EMP1: variants seen among roughly 807,000 people sequenced by gnomAD.
EMP1 encodes epithelial membrane protein 1, also known as tumor-associated membrane protein.
A neutral mutation model predicts 15.7 loss-of-function variants in EMP1; 5 were observed. The observed-to-expected ratio is 0.32, with a 90% CI of 0.17 to 0.67. EMP1 has a LOEUF of 0.67. EMP1 is among the 30% of genes least tolerant of loss of function. The pLI is 0.74. For synonymous variants in EMP1, 78 were observed against 76.7 expected, an observed-to-expected ratio of 1.02 and a Z score of -0.09; for missense variants, 166 against 194.2, an observed-to-expected ratio of 0.85 and a Z score of 0.86.
In EMP1 at chr12:13,215,809, T is replaced by C. The variant is rs1864209923; in HGVS notation, c.*1118T>C. The C allele has an allele frequency of 6.5e-6, 1 of 153,702 alleles. No individual in the cohort carries two copies. Among genetic ancestry groups the C allele is most frequent in the Non-Finnish European group, 1.5e-5 (1 of 68,866 alleles). 9.5% of individuals were successfully genotyped at this position (153,702 alleles called of 1,614,324 possible). A position where few individuals can be genotyped will look rare whatever the true frequency, so the allele number is the denominator to read the frequency against. ...GAGGCATGGCAATTCTGGAAGCTGA[T>C]TAAAACACACATAAACCAAAACCAA... On this transcript the variant is annotated 3_prime_UTR_variant, in exon 5 of 5. Coordinates refer to ENST00000256951, the MANE Select transcript of EMP1 (RefSeq NM_001423.3).
In EMP1 at chr12:13,215,480, G is replaced by A. The variant is rs957739165; in HGVS notation, c.*789G>A. On this transcript the variant is annotated 3_prime_UTR_variant, in exon 5 of 5. Coordinates refer to ENST00000256951, the MANE Select transcript of EMP1 (RefSeq NM_001423.3). ...CTCTAAAGTCACTAGTGAACAATTC[G>A]GTGGTAAAAGTACCACACAAACTAT... is the stretch of plus-strand genomic sequence containing the variant. 8.5e-5 allele frequency: 13 copies of A among 152,130 alleles called. No homozygotes were observed. The highest frequency in any genetic ancestry group is 2.2e-4 in the African/African-American group (9 of 41,398). 9.4% of individuals were successfully genotyped at this position (152,130 alleles called of 1,614,324 possible).
chr12:13,212,466 G>A (rs763007413), intron 2 of EMP1, among the ~76,000 whole-genome samples: 32 of 152,118 alleles, frequency 2.1e-4, no homozygotes, highest in Non-Finnish European at 3.8e-4. Flanking sequence ...AACATTAGTG[G>A]GTGTGATCAT....
chr12:13,208,786 C>T (rs1233003130), intron 1 of EMP1, among the ~76,000 whole-genome samples: 2 of 152,160 alleles, frequency 1.3e-5, no homozygotes. Flanking sequence ...CGCTCTTTTG[C>T]TTGATTCTCA....
At position 13,216,327 on chromosome 12, in the gene EMP1, A is replaced by C; in HGVS notation, c.*1636A>C. On this transcript the variant is annotated 3_prime_UTR_variant, in exon 5 of 5. Coordinates refer to ENST00000256951, the MANE Select transcript of EMP1 (RefSeq NM_001423.3). ...CCATGATTTTTGGTATTTATGTAAA[A>C]GGATTATTACTAATTCTATTTCTCT... 1 of 695,862 alleles carries C rather than the reference A, an allele frequency of 1.4e-6. No homozygotes were observed. Among genetic ancestry groups the C allele is most frequent in the East Asian group, 2.7e-5 (1 of 37,096 alleles). The allele number at this position is 695,862 out of a possible 1,614,324, so 43.1% of individuals were successfully genotyped here.
At chr12:13,200,270 G>A (rs192140449) in intron 1 of EMP1, among the ~76,000 whole-genome samples, 1 of 152,184 alleles carries the variant, frequency 6.6e-6, no homozygotes, top group Non-Finnish European at 1.5e-5. Context: ...TAGGCCTTTT[G>A]GGGATTGTCC....
In EMP1 at chr12:13,214,707, TGG is replaced by T. The variant is rs1483849091; in HGVS notation, c.*19_*20del. ...AAAGAAATAAGGCCGGACGAGTTCA[TGG>T]GGATCTGGGGGGTGGGGAGGAGGAA... On this transcript the variant is annotated 3_prime_UTR_variant, in exon 5 of 5. Transcript: ENST00000256951. The T allele has an allele frequency of 6.4e-7, 1 of 1,550,404 alleles. No individual in the cohort carries two copies. Among genetic ancestry groups the T allele is most frequent in the Non-Finnish European group, 8.7e-7 (1 of 1,145,462 alleles).
chr12:13,211,670 A>G lies in EMP1; in HGVS notation c.78+82A>G. ...CAAGTGCACAAAAGAAGTTTAAGCCACAGCCCTTGCCCTTCATGAACTTAC... is the reference window on the plus strand; with the variant it reads ...CAAGTGCACAAAAGAAGTTTAAGCCGCAGCCCTTGCCCTTCATGAACTTAC... On this transcript the variant is annotated intron_variant, in intron 2 of 4. Coordinates refer to ENST00000256951, the MANE Select transcript of EMP1 (RefSeq NM_001423.3). The surrounding 1 kb of genome is among the most constrained non-coding windows in gnomAD (Gnocchi z 4.7). 1.3e-6 allele frequency: 2 copies of G among 1,508,294 alleles called. No homozygotes were observed. The highest frequency in any genetic ancestry group is 2.8e-5 in the African/African-American group (2 of 72,718). The allele number at this position is 1,508,294 out of a possible 1,614,324, so 93.4% of individuals were successfully genotyped here.
At position 13,219,941 on chromosome 12, in the gene EMP1, A is replaced by C. The variant is rs973952851; in HGVS notation, c.*5250A>C. The C allele has an allele frequency of 1.2e-4, 19 of 152,230 alleles. No individual in the cohort carries two copies. Among genetic ancestry groups the C allele is most frequent in the Admixed American group, 6.5e-4 (10 of 15,278 alleles). The allele number at this position is 152,230 out of a possible 1,614,324, so 9.4% of individuals were successfully genotyped here. A position where few individuals can be genotyped will look rare whatever the true frequency, so the allele number is the denominator to read the frequency against. The stretch of plus-strand genomic sequence containing the variant: ...AATCATTAAACTTATTTTCAATGAG[A>C]TACGACTGTTTAAATTCTGAAACCT... On this transcript the variant is annotated 3_prime_UTR_variant, in exon 5 of 5. Transcript: ENST00000256951.
Position 13,217,883 on chromosome 12 carries a change from C to T in EMP1, c.*3192C>T, listed in dbSNP as rs1490060030. 1.3e-5 allele frequency: 2 copies of T among 152,028 alleles called. 1 individual carries two copies. Among genetic ancestry groups the T allele is most frequent in the Admixed American group, 1.3e-4 (2 of 15,272 alleles). 9.4% of individuals were successfully genotyped at this position (152,028 alleles called of 1,614,324 possible). On this transcript the variant is annotated 3_prime_UTR_variant, in exon 5 of 5. Transcript: ENST00000256951. The stretch of plus-strand genomic sequence containing the variant: ...ACATGATTTTGAAGGCAGGCAAGCC[C>T]AAAGTCTGCAAGGGGTGGGCCAGCA...
At chr12:13,203,885 C>G (rs1864087569) in intron 1 of EMP1, among the ~76,000 whole-genome samples, 1 of 152,214 alleles carries the variant, frequency 6.6e-6, no homozygotes, top group Non-Finnish European at 1.5e-5. Context: ...TAGGTTCTCT[C>G]TCTCTCATAC....
intron 1 of EMP1, among the ~76,000 whole-genome samples, chr12:13,204,169 C>G (rs893877647): frequency 3.3e-5 from 5 of 152,198 alleles, no homozygotes; most frequent in Non-Finnish European, 7.3e-5. Context: ...TTCCTTCCTT[C>G]CACACCAAAC....
intron 2 of EMP1, among the ~76,000 whole-genome samples, chr12:13,212,753 G>T (rs1841573582): frequency 6.6e-6 from 1 of 152,144 alleles, no homozygotes; most frequent in Admixed American, 6.5e-5. Context: ...GTGTGCATTT[G>T]TGTGTGTGTA....
chr12:13,213,487 G>C lies in EMP1; in HGVS notation c.87G>C (p.Leu29Phe). The C allele has an allele frequency of 6.2e-7, 1 of 1,614,130 alleles. No individual in the cohort carries two copies. Among genetic ancestry groups the C allele is most frequent in the Non-Finnish European group, 8.5e-7 (1 of 1,179,994 alleles). ...LFVSTIANVW[L>F]VSNTVDASVG... is the part of the protein sequence containing the mutation. ...TTTCCTTCTGGTTTCAGGTCTGGTT[G>C]GTTTCCAATACGGTAGATGCATCAG... is the stretch of plus-strand genomic sequence containing the variant. Residue 29 changes from leucine to phenylalanine, a missense_variant, in exon 3 of 5, where the codon TTG becomes TTC. By Grantham distance (22) the Leu-to-Phe change is conservative. Coordinates refer to ENST00000256951, the MANE Select transcript of EMP1 (RefSeq NM_001423.3).
intron 1 of EMP1, among the ~76,000 whole-genome samples, chr12:13,198,374 A>G (rs1437369170): frequency 6.6e-6 from 1 of 152,186 alleles, no homozygotes; most frequent in Non-Finnish European, 1.5e-5. Context: ...GATGAGAATG[A>G]CAGGATTCAG....
At chr12:13,213,939 T>G (rs1312010750) in intron 4 of EMP1, 118 bp downstream of exon 4, 2 of 1,424,390 alleles carry the variant, frequency 1.4e-6, no homozygotes, top group Non-Finnish European at 2.0e-6. Flanking sequence ...TGCAATTTTC[T>G]CCTCTGGTTA....
rs1470206829 is a variant in EMP1 at position 13,215,131 on chromosome 12, T to C, written c.*440T>C. ...CTGAATACGCTAAGCCTGGAAGCCA[T>C]CCTGCCCTTCTGACCCAAAGCAAAA... On this transcript the variant is annotated 3_prime_UTR_variant, in exon 5 of 5. Transcript: ENST00000256951. 2 of 161,690 alleles carry C rather than the reference T, an allele frequency of 1.2e-5. No individual in the cohort carries two copies. The highest frequency in any genetic ancestry group is 4.8e-5 in the African/African-American group (2 of 41,728). 10.0% of individuals were successfully genotyped at this position (161,690 alleles called of 1,614,324 possible). A position where few individuals can be genotyped will look rare whatever the true frequency, so the allele number is the denominator to read the frequency against.
rs1361025354 is a variant in EMP1, at chr12:13,217,239, ACTTTCTGTGAGCAGTAAGGACTGGTAT to A, written c.*2562_*2588del. 1 of 152,192 alleles carries A rather than the reference ACTTTCTGTGAGCAGTAAGGACTGGTAT, an allele frequency of 6.6e-6. No individual in the cohort carries two copies. The highest frequency in any genetic ancestry group is 2.4e-5 in the African/African-American group (1 of 41,452). 9.4% of individuals were successfully genotyped at this position (152,192 alleles called of 1,614,324 possible). On this transcript the variant is annotated 3_prime_UTR_variant, in exon 5 of 5. Coordinates refer to ENST00000256951, the MANE Select transcript of EMP1 (RefSeq NM_001423.3). ...TCTGTGAGTGAAGGGAGGCTTCACT[ACTTTCTGTGAGCAGTAAGGACTGGTAT>A]CTTTCTGTGAGCAATAAGGACTGGA...
At chr12:13,197,281 C>G (rs1187117302) in intron 1 of EMP1, among the ~76,000 whole-genome samples, 2 of 152,158 alleles carry the variant, frequency 1.3e-5, no homozygotes, top group African/African-American at 4.8e-5. Flanking sequence ...CGTTTTGATT[C>G]CGATTGCTTC....
At chr12:13,214,277 C>T in intron 4 of EMP1, 1 of 601,994 alleles carries the variant, frequency 1.7e-6, no homozygotes, top group Non-Finnish European at 2.9e-6. Context: ...GGGTGGTAGG[C>T]ATGAGGTTCT....
Sources: gnomAD v4.1 joint callset for allele counts (sites outside exome capture counted in the v4.1 genomes callset) on GRCh38, gnomAD v4.1.1 for gene constraint, Gnocchi (gnomAD v3.1) non-coding constraint, MANE v1.5 for transcripts, NCBI Gene and HGNC (gene_info 2026-07-23, HGNC 2026-07-21) for gene names.